The following EPHB2 variants were observed in gnomAD, a reference collection of about 807,000 sequenced individuals.
EPHB2 encodes EPH receptor B2, also known as ephrin type-B receptor 2.
In EPHB2, 18 loss-of-function variants were observed where a neutral mutation model predicts 96.4. The observed-to-expected ratio is 0.19, with a 90% CI of 0.13 to 0.28. The LOEUF (loss-of-function observed/expected upper bound fraction) is 0.28. Among genes scored for constraint, EPHB2 ranks in the 10% least tolerant of loss-of-function variants. The probability of loss-of-function intolerance (pLI) is 1.00; values close to 1 mark genes in which losing one functional copy is unlikely to be tolerated. For missense variants in EPHB2, 989 were observed against 1,355.4 expected, an observed-to-expected ratio of 0.73 and a Z score of 4.25; for synonymous variants, 506 against 534.1, an observed-to-expected ratio of 0.95 and a Z score of 0.72.
intron 3 of EPHB2, among the ~76,000 whole-genome samples, chr1:22,854,477 A>T (rs1349047275): frequency 6.6e-6 from 1 of 152,188 alleles, no homozygotes; most frequent in East Asian, 1.9e-4. Flanking sequence ...GCACCACTGC[A>T]CTGCAGCCTG....
Position 22,865,080 on chromosome 1 carries a change from C to G in EPHB2, c.1171C>G (p.Pro391Ala), listed in dbSNP as rs1477076406. Residue 391 changes from proline (P) to alanine (A), a missense_variant, in exon 5 of 16, where the codon CCA (proline) becomes GCA (alanine). Transcript: ENST00000374630. ...YAPRQLGLTE[P>A]RIYISDLLAH... Reference sequence around the variant, plus strand: ...ACCACGCCAGCTAGGCCTGACCGAGCCACGCATTTACATCAGTGACCTGCT... The same window carrying G: ...ACCACGCCAGCTAGGCCTGACCGAGGCACGCATTTACATCAGTGACCTGCT... 7 of 1,614,096 alleles carry G rather than the reference C, an allele frequency of 4.3e-6. No individual in the cohort carries two copies. The highest frequency in any genetic ancestry group is 1.7e-5 in the Admixed American group (1 of 60,012).
chr1:22,854,711 A>G (rs1340715117), intron 3 of EPHB2, among the ~76,000 whole-genome samples: 2 of 151,752 alleles, frequency 1.3e-5, no homozygotes, highest in Non-Finnish European at 2.9e-5. Context: ...CACTGGGCAC[A>G]TCCTAGGCAC....
rs776333704 is a variant in EPHB2 at position 22,882,417 on chromosome 1, G to A, written c.1362G>A (p.Leu454=). 6.2e-7 allele frequency: 1 copy of A among 1,614,194 alleles called. No individual in the cohort carries two copies. The highest frequency in any genetic ancestry group is 8.5e-7 in the Non-Finnish European group (1 of 1,180,032). The change falls in exon 6 of 16, where the codon CTG becomes CTA. Residue 454 remains leucine, a synonymous_variant. Coordinates refer to ENST00000374630, the MANE Select transcript of EPHB2 (RefSeq NM_017449.5). ...QVSRTVDSIT[L]SWSQPDQPNG... ...GCCGCACCGTGGACAGCATTACCCT[G>A]TCGTGGTCCCAGCCGGACCAGCCCA...
In EPHB2 at chr1:22,910,570, C is replaced by T; in HGVS notation, c.2691C>T (p.Ser897=). The T allele has an allele frequency of 1.3e-6, 2 of 1,592,560 alleles. No homozygotes were observed. Among genetic ancestry groups the T allele is most frequent in the Non-Finnish European group, 1.7e-6 (2 of 1,179,576 alleles). The part of the protein sequence containing the change: ...PNSLKAMAPL[S]SGINLPLLDR... Reference sequence around the variant, plus strand: ...GCCTCAAAGCCATGGCGCCCCTCTCCTCTGGGTAAGGCCCCACCCTGGCCC... The same window carrying T: ...GCCTCAAAGCCATGGCGCCCCTCTCTTCTGGGTAAGGCCCCACCCTGGCCC... The change falls in exon 14 of 16, where the codon TCC becomes TCT. Residue 897 remains serine, a synonymous_variant. Coordinates refer to ENST00000374630, the MANE Select transcript of EPHB2 (RefSeq NM_017449.5).
chr1:22,858,914 A>C lies in EPHB2; in HGVS notation c.812-4123A>C, dbSNP rs565074057. Among the ~76,000 whole-genome samples the C allele has an allele frequency of 1.2e-4, 18 of 152,266 alleles. No homozygotes were observed. The South Asian group carries it at 3.3e-3, about 28-fold the overall frequency. On this transcript the variant is annotated intron_variant, in intron 3 of 15. Transcript: ENST00000374630. This position sits in a 1 kb window ranked among gnomAD's most constrained non-coding sequence, Gnocchi z 7.7. The stretch of plus-strand genomic sequence containing the variant: ...TCACCCACTAGAAACCCAGCATTAT[A>C]CTGGGAGTTTACAGTCCAGCCAGGT...
At chr1:22,794,462 C>T (rs1260029029) in intron 3 of EPHB2, among the ~76,000 whole-genome samples, 1 of 152,136 alleles carries the variant, frequency 6.6e-6, no homozygotes. Context: ...ACCAAATGCT[C>T]ACCCGGATGG....
In EPHB2 at chr1:22,915,790, A is replaced by C. The variant is rs1640249820; in HGVS notation, c.*2220A>C. The C allele has an allele frequency of 6.6e-6, 1 of 152,340 alleles. No homozygotes were observed. Among genetic ancestry groups the C allele is most frequent in the African/African-American group, 2.4e-5 (1 of 41,462 alleles). 9.4% of individuals were successfully genotyped at this position (152,340 alleles called of 1,614,324 possible). On this transcript the variant is annotated 3_prime_UTR_variant, in exon 16 of 16. Transcript: ENST00000374630. ...GTCCACGTGGCAGGAGGAGGCAGGG[A>C]GATGGATGTGCCATGGATATCGGGT...
chr1:22,730,087 A>C (rs1643673664), intron 1 of EPHB2, among the ~76,000 whole-genome samples: 1 of 152,188 alleles, frequency 6.6e-6, no homozygotes, highest in Admixed American at 6.5e-5. Flanking sequence ...GGGGTGTGGG[A>C]TCCGAGGTGA....
rs138938253 is a variant in EPHB2, at chr1:22,912,549, C to T, written c.2802C>T (p.Phe934=). 45 of 1,614,118 alleles carry T rather than the reference C, an allele frequency of 2.8e-5. No homozygotes were observed. In the African/African-American group the frequency reaches 4.4e-4, roughly 16 times the overall value. The part of the protein sequence containing the change: ...AIKMGQYKES[F]ANAGFTSFDV... ...AGATGGGGCAGTACAAGGAGAGCTTCGCCAATGCCGGCTTCACCTCCTTTG... is the reference window on the plus strand; with the variant it reads ...AGATGGGGCAGTACAAGGAGAGCTTTGCCAATGCCGGCTTCACCTCCTTTG... Residue 934 remains phenylalanine (F), a synonymous_variant, in exon 15 of 16, where the codon TTC becomes TTT. Transcript: ENST00000374630.
chr1:22,719,145 G>A (rs1229335528), intron 1 of EPHB2, among the ~76,000 whole-genome samples: 1 of 152,170 alleles, frequency 6.6e-6, no homozygotes, highest in Non-Finnish European at 1.5e-5. Flanking sequence ...CACAGAGAAT[G>A]GAGACTACGA....
At chr1:22,852,610 C>A (rs1645639043) in intron 3 of EPHB2, among the ~76,000 whole-genome samples, 1 of 152,148 alleles carries the variant, frequency 6.6e-6, no homozygotes, top group African/African-American at 2.4e-5. Flanking sequence ...GGTCCAGGGG[C>A]TGGGAGAGCC....
intron 5 of EPHB2, among the ~76,000 whole-genome samples, chr1:22,871,148 C>G (rs959818388): frequency 6.6e-6 from 1 of 152,142 alleles, no homozygotes; most frequent in Non-Finnish European, 1.5e-5. Context: ...GAAAGGAAAG[C>G]GAGGCATTGA....
intron 3 of EPHB2, among the ~76,000 whole-genome samples, chr1:22,844,811 A>T (rs1230732727): frequency 6.6e-6 from 1 of 152,174 alleles, no homozygotes; most frequent in Non-Finnish European, 1.5e-5. Context: ...GACTGATCCC[A>T]GTCCTTTGGG....
Position 22,906,697 on chromosome 1 carries a change from G to T in EPHB2, c.1889-13G>T, listed in dbSNP as rs1183823437. The T allele has an allele frequency of 1.2e-6, 2 of 1,614,118 alleles. No individual in the cohort carries two copies. The highest frequency in any genetic ancestry group is 1.7e-6 in the Non-Finnish European group (2 of 1,180,024). On this transcript the variant is annotated splice_polypyrimidine_tract_variant and intron_variant, in intron 10 of 15. Transcript: ENST00000374630. This position sits in a 1 kb window ranked among gnomAD's most constrained non-coding sequence, Gnocchi z 4.8. Reference sequence around the variant, plus strand: ...CAAGTGACATCCTGTCTGTCTTGGTGTTTCTCTCTCAGGGGAGTTTGGCGA... The same window carrying T: ...CAAGTGACATCCTGTCTGTCTTGGTTTTTCTCTCTCAGGGGAGTTTGGCGA...
At chr1:22,890,715 T>C (rs553896172) in intron 6 of EPHB2, among the ~76,000 whole-genome samples, 1 of 152,306 alleles carries the variant, frequency 6.6e-6, no homozygotes, top group East Asian at 1.9e-4. Flanking sequence ...AGGAGGTAAT[T>C]GAATCACGGG....
intron 1 of EPHB2, among the ~76,000 whole-genome samples, chr1:22,728,162 T>C (rs1283409294): frequency 1.3e-5 from 2 of 152,194 alleles, no homozygotes; most frequent in Non-Finnish European, 2.9e-5. Context: ...GATTTTTTTA[T>C]CTCTTTTGTT....
chr1:22,759,726 C>T (rs923633707), intron 1 of EPHB2, among the ~76,000 whole-genome samples: 6 of 152,200 alleles, frequency 3.9e-5, no homozygotes, highest in Non-Finnish European at 7.3e-5. Flanking sequence ...TCTACCATCC[C>T]ATCCCCAGCC....
intron 3 of EPHB2, among the ~76,000 whole-genome samples, chr1:22,855,696 A>G (rs1424064495): frequency 6.6e-6 from 1 of 152,244 alleles, no homozygotes; most frequent in African/African-American, 2.4e-5. Context: ...CAACACTTAC[A>G]TAGCACTTAA....
intron 5 of EPHB2, among the ~76,000 whole-genome samples, chr1:22,871,693 C>T (rs1484236641): frequency 1.2e-4 from 18 of 152,192 alleles, no homozygotes; most frequent in Admixed American, 1.2e-3. Flanking sequence ...ACACAATACA[C>T]ATTTATTATC....
Sources: gnomAD v4.1 joint callset for allele counts (sites outside exome capture counted in the v4.1 genomes callset) on GRCh38, gnomAD v4.1.1 for gene constraint, Gnocchi (gnomAD v3.1) non-coding constraint, MANE v1.5 for transcripts, NCBI Gene and HGNC (gene_info 2026-07-23, HGNC 2026-07-21) for gene names.